Variants in MOGAT1 observed in about 807,000 individuals in gnomAD.
The protein encoded by MOGAT1 is monoacylglycerol O-acyltransferase 1.
Under a neutral mutation model 31.4 loss-of-function variants are expected in MOGAT1, and 32 were observed. The ratio of observed to expected loss-of-function variants is 1.02; its 90% CI spans 0.77 to 1.37. The LOEUF is 1.37. MOGAT1 is among the 40% of genes most tolerant of loss of function. The probability of loss-of-function intolerance (pLI) is 0.00; values close to 1 mark genes in which losing one functional copy is unlikely to be tolerated. For missense variants in MOGAT1, 426 were observed against 402.0 expected (o/e 1.06, Z -0.51); for synonymous variants, 145 against 144.5 (o/e 1.00, Z -0.03).
intron 5 of MOGAT1, among the ~76,000 whole-genome samples, chr2:222,703,881 T>A (rs911066841): frequency 5.4e-5 from 8 of 148,848 alleles, no homozygotes; most frequent in African/African-American, 2.0e-4. Flanking sequence ...AGAAAAAAAA[T>A]AATGCCCACT....
Position 222,684,720 on chromosome 2 carries a change from G to A in MOGAT1, c.95-3624G>A, listed in dbSNP as rs1291942466. 3.3e-5 allele frequency among the ~76,000 whole-genome samples: 5 copies of A among 152,008 alleles called. No individual in the cohort carries two copies. In the East Asian group the frequency reaches 7.8e-4, roughly 24 times the overall value. On this transcript the variant is annotated intron_variant, in intron 1 of 5. Coordinates refer to ENST00000446656, the MANE Select transcript of MOGAT1 (RefSeq NM_058165.3). ...GCCTCCCAAGTAGCTGGGATTACAG[G>A]TGCCTGCCACCACGCCCAGCTAATT... is the stretch of plus-strand genomic sequence containing the variant.
At chr2:222,695,860 A>G (rs1449806443) in intron 5 of MOGAT1, among the ~76,000 whole-genome samples, 3 of 152,154 alleles carry the variant, frequency 2.0e-5, no homozygotes, top group African/African-American at 7.2e-5. Context: ...TGGTGCACCC[A>G]TCACTGGAGC....
At chr2:222,693,019 A>G (rs1692785571) in intron 3 of MOGAT1, among the ~76,000 whole-genome samples, 1 of 152,204 alleles carries the variant, frequency 6.6e-6, no homozygotes, top group Non-Finnish European at 1.5e-5. Flanking sequence ...GCAGTTGGTC[A>G]TTCAGAATCC....
At chr2:222,701,218 C>G (rs1692912790) in intron 5 of MOGAT1, among the ~76,000 whole-genome samples, 1 of 150,840 alleles carries the variant, frequency 6.6e-6, no homozygotes, top group South Asian at 2.1e-4. Context: ...GGAGATCGTG[C>G]CACTGCACTC....
intron 5 of MOGAT1, among the ~76,000 whole-genome samples, chr2:222,696,025 C>T (rs1387727610): frequency 6.6e-6 from 1 of 152,194 alleles, no homozygotes; most frequent in Non-Finnish European, 1.5e-5. Context: ...GTTTGGTTTT[C>T]CATTCCTGAG....
intron 5 of MOGAT1, among the ~76,000 whole-genome samples, chr2:222,705,304 CATCCT>C (rs1559235043): frequency 6.6e-6 from 1 of 152,178 alleles, no homozygotes; most frequent in East Asian, 1.9e-4. Context: ...CCTCCTATCT[CATCCT>C]ATGACTTAGG....
intron 1 of MOGAT1, among the ~76,000 whole-genome samples, chr2:222,679,828 G>A (rs1315593522): frequency 6.6e-6 from 1 of 152,226 alleles, no homozygotes; most frequent in African/African-American, 2.4e-5. Context: ...GAAGCAGGTA[G>A]ATCTCCAAAC....
intron 5 of MOGAT1, among the ~76,000 whole-genome samples, chr2:222,706,952 A>T (rs1693011238): frequency 6.6e-6 from 1 of 152,174 alleles, no homozygotes; most frequent in South Asian, 2.1e-4. Flanking sequence ...GCACTTTGAG[A>T]GGCTGAGGCT....
At chr2:222,699,568 C>T (rs907749559) in intron 5 of MOGAT1, 5 of 139,460 alleles carry the variant, frequency 3.6e-5, no homozygotes, top group Non-Finnish European at 7.5e-5. Context: ...ACAATCTCTG[C>T]TCACTGCAAG....
chr2:222,688,438 T>A lies in MOGAT1; in HGVS notation c.189T>A (p.His63Gln), dbSNP rs776650903. 6 of 1,613,870 alleles carry A rather than the reference T, an allele frequency of 3.7e-6. No homozygotes were observed. The highest frequency in any genetic ancestry group is 5.1e-6 in the Non-Finnish European group (6 of 1,179,824). ...PYLMWLYFDWHTPERGGRRSS... is the reference protein window; with the variant it reads ...PYLMWLYFDWQTPERGGRRSS... Reference sequence around the variant, plus strand: ...TGATGTGGCTTTACTTTGACTGGCATACCCCAGAGCGAGGAGGCAGGAGAT... The same window carrying A: ...TGATGTGGCTTTACTTTGACTGGCAAACCCCAGAGCGAGGAGGCAGGAGAT... Residue 63 changes from histidine (H) to glutamine (Q), a missense_variant, in exon 2 of 6, where the codon CAT becomes CAA. Physicochemically the swap from His to Gln is conservative, Grantham distance 24. Transcript: ENST00000446656.
At chr2:222,672,889 T>TTTTGTATTA (rs139797469) in intron 1 of MOGAT1, among the ~76,000 whole-genome samples, 1 of 139,224 alleles carries the variant, frequency 7.2e-6, no homozygotes, top group African/African-American at 2.7e-5. Context: ...CTGGAATTTG[T>TTTTGTATTA]TTATTATTAT....
At chr2:222,678,810 G>A (rs1040073311) in intron 1 of MOGAT1, among the ~76,000 whole-genome samples, 5 of 152,190 alleles carry the variant, frequency 3.3e-5, no homozygotes, top group South Asian at 4.2e-4. Flanking sequence ...GCATGGTGGC[G>A]GGTGCCTGTA....
intron 1 of MOGAT1, among the ~76,000 whole-genome samples, chr2:222,673,707 C>T (rs1692456943): frequency 6.6e-6 from 1 of 152,238 alleles, no homozygotes; most frequent in African/African-American, 2.4e-5. Flanking sequence ...AGTCCGACTT[C>T]CTAACCGATC....
chr2:222,684,631 A>C (rs34863922), intron 1 of MOGAT1, among the ~76,000 whole-genome samples: 59,943 of 151,734 alleles, frequency 0.4, 13,360 homozygotes, highest in African/African-American at 0.62. Flanking sequence ...GGCTGAAGTG[A>C]AACGGTGCAA....
At chr2:222,686,120 C>T (rs1207407035) in intron 1 of MOGAT1, among the ~76,000 whole-genome samples, 1 of 152,154 alleles carries the variant, frequency 6.6e-6, no homozygotes, top group Non-Finnish European at 1.5e-5. Context: ...CTCCCACTTG[C>T]CTGCTTCTTT....
intron 1 of MOGAT1, among the ~76,000 whole-genome samples, chr2:222,673,788 G>A (rs1473535292): frequency 6.6e-6 from 1 of 152,176 alleles, no homozygotes; most frequent in Non-Finnish European, 1.5e-5. Context: ...TCTGTGTATG[G>A]CTGTGGTGAC....
intron 5 of MOGAT1, chr2:222,698,655 G>A (rs892871181): frequency 1.3e-5 from 2 of 152,208 alleles, no homozygotes; most frequent in Admixed American, 6.5e-5. Flanking sequence ...GGAGGCTAAT[G>A]GAGGGTCTCC....
intron 5 of MOGAT1, among the ~76,000 whole-genome samples, chr2:222,705,465 C>T (rs1208107752): frequency 1.3e-5 from 2 of 152,154 alleles, no homozygotes; most frequent in African/African-American, 2.4e-5. Flanking sequence ...GAGCCAAGGC[C>T]CTGATGAGCT....
At chr2:222,700,673 G>C (rs1692906226) in intron 5 of MOGAT1, among the ~76,000 whole-genome samples, 1 of 152,106 alleles carries the variant, frequency 6.6e-6, no homozygotes, top group African/African-American at 2.4e-5. Flanking sequence ...TGTATTTAAA[G>C]ACTTATTTAC....
Sources: gnomAD v4.1 joint callset for allele counts (sites outside exome capture counted in the v4.1 genomes callset) on GRCh38, gnomAD v4.1.1 for gene constraint, MANE v1.5 for transcripts, NCBI Gene and HGNC (gene_info 2026-07-23, HGNC 2026-07-21) for gene names.